The following GALNTL6 variants were observed in gnomAD, a reference collection of about 807,000 sequenced individuals.
GALNTL6 encodes the protein polypeptide N-acetylgalactosaminyltransferase-like 6.
In GALNTL6, 46 loss-of-function variants were observed where a neutral mutation model predicts 73.7. The observed-to-expected ratio is 0.62, with a 90% CI of 0.49 to 0.80. GALNTL6 has a LOEUF of 0.80. Among genes scored for constraint, GALNTL6 ranks in the 30% least tolerant of loss-of-function variants. The pLI is 0.00. For missense variants in GALNTL6, 604 were observed against 755.0 expected, an observed-to-expected ratio of 0.80 and a Z score of 2.34; for synonymous variants, 259 against 263.7, an observed-to-expected ratio of 0.98 and a Z score of 0.17.
At chr4:172,830,881 C>T (rs73871869) in intron 7 of GALNTL6, among the ~76,000 whole-genome samples, 5,181 of 152,066 alleles carry the variant, frequency 0.034, 197 homozygotes, top group African/African-American at 0.091. Context: ...CACAATCAGG[C>T]GGGAGCAGTA....
chr4:172,955,638 T>A (rs1404460988), intron 10 of GALNTL6, among the ~76,000 whole-genome samples: 1 of 152,220 alleles, frequency 6.6e-6, no homozygotes, highest in Non-Finnish European at 1.5e-5. Flanking sequence ...ATTCTTCTAA[T>A]GTTAACATTT....
chr4:172,405,429 ATATATATATATATATTTTTTT>A (rs1402409033), intron 5 of GALNTL6, among the ~76,000 whole-genome samples: 49 of 16,256 alleles, frequency 3.0e-3, no homozygotes, highest in Admixed American at 7.1e-3. Flanking sequence ...ATATATATAT[ATATATATATATATATTTTTTT>A]TTTTTTTTTT....
rs376178735 is a variant in GALNTL6, at chr4:171,982,383, T to C, written c.138+167665T>C. On this transcript the variant is annotated intron_variant, in intron 2 of 12. Transcript: ENST00000506823. ...CGCGATCTCGGCCCACTGCAAGCTC[T>C]GCCTCCTGGGTTCACGTCATTCTCC... Among the ~76,000 whole-genome samples, 1,439 of 152,164 alleles carry C rather than the reference T, an allele frequency of 9.5e-3. 9 individuals carry two copies. The highest frequency in any genetic ancestry group is 0.021 in the African/African-American group (881 of 41,520).
intron 2 of GALNTL6, among the ~76,000 whole-genome samples, chr4:171,996,748 C>G (rs1399216403): frequency 7.0e-6 from 1 of 143,066 alleles, no homozygotes; most frequent in Admixed American, 7.1e-5. Context: ...AAAAAACTCA[C>G]AGTGTCTTAA....
intron 5 of GALNTL6, among the ~76,000 whole-genome samples, chr4:172,540,899 T>TC (rs1427775772): frequency 7.9e-5 from 12 of 152,126 alleles, no homozygotes; most frequent in African/African-American, 2.9e-4. Context: ...ATGTCTGTTT[T>TC]TAGAGTTTGA....
At chr4:172,696,585 A>G (rs952610013) in intron 5 of GALNTL6, among the ~76,000 whole-genome samples, 1 of 152,128 alleles carries the variant, frequency 6.6e-6, no homozygotes, top group Non-Finnish European at 1.5e-5. Context: ...TACTTGTGAT[A>G]GTGAATACAT....
chr4:172,360,786 A>G (rs1742335927), intron 5 of GALNTL6, among the ~76,000 whole-genome samples: 1 of 152,184 alleles, frequency 6.6e-6, no homozygotes, highest in South Asian at 2.1e-4. Flanking sequence ...TATTATTAGT[A>G]TGTAGAAGTT....
chr4:171,900,801 A>C lies in GALNTL6; in HGVS notation c.138+86083A>C, dbSNP rs571754402. Among the ~76,000 whole-genome samples the C allele has an allele frequency of 2.6e-5, 4 of 152,296 alleles. No individual in the cohort carries two copies. The East Asian group carries it at 5.8e-4, about 22-fold the overall frequency. ...TTACAAAAAACATAGGAGGTTCAAA[A>C]TATAGGAAGAACCTCTTAAGGTTAG... is the stretch of plus-strand genomic sequence containing the variant. On this transcript the variant is annotated intron_variant, in intron 2 of 12. Coordinates refer to ENST00000506823, the MANE Select transcript of GALNTL6 (RefSeq NM_001034845.3).
chr4:172,102,791 C>G (rs1732555086), intron 2 of GALNTL6, among the ~76,000 whole-genome samples: 1 of 152,190 alleles, frequency 6.6e-6, no homozygotes, highest in African/African-American at 2.4e-5. Context: ...GGGAATGATG[C>G]TCCCATAGAG....
intron 7 of GALNTL6, among the ~76,000 whole-genome samples, chr4:172,836,760 C>A (rs1047472423): frequency 6.6e-6 from 1 of 152,126 alleles, no homozygotes; most frequent in East Asian, 1.9e-4. Context: ...TGCCAGGTAA[C>A]TGAGGTGTGA....
At chr4:172,036,983 T>G (rs1018605218) in intron 2 of GALNTL6, among the ~76,000 whole-genome samples, 4 of 152,130 alleles carry the variant, frequency 2.6e-5, no homozygotes, top group Non-Finnish European at 5.9e-5. Flanking sequence ...GTTCTTTAAG[T>G]TACAAGCATT....
intron 8 of GALNTL6, among the ~76,000 whole-genome samples, chr4:172,884,907 C>G (rs1405700457): frequency 2.0e-5 from 3 of 151,914 alleles, no homozygotes; most frequent in African/African-American, 2.4e-5. Flanking sequence ...TTCTTGATGC[C>G]TTTTTGTCAA....
chr4:171,913,820 A>T (rs1052826600), intron 2 of GALNTL6, among the ~76,000 whole-genome samples: 4 of 151,540 alleles, frequency 2.6e-5, no homozygotes, highest in Non-Finnish European at 5.9e-5. Context: ...ATGTTTGAAA[A>T]AAGTATGGAT....
chr4:172,016,786 A>G (rs1741210804), intron 2 of GALNTL6, among the ~76,000 whole-genome samples: 1 of 151,530 alleles, frequency 6.6e-6, no homozygotes, highest in African/African-American at 2.4e-5. Context: ...TAAGGATCAG[A>G]CTTTGATGTT....
At chr4:172,496,463 G>C (rs1216156891) in intron 5 of GALNTL6, among the ~76,000 whole-genome samples, 2 of 152,140 alleles carry the variant, frequency 1.3e-5, no homozygotes, top group Non-Finnish European at 2.9e-5. Flanking sequence ...GCTGAGGTGG[G>C]AGAATCGCTT....
intron 5 of GALNTL6, among the ~76,000 whole-genome samples, chr4:172,497,852 A>G (rs1734117864): frequency 6.6e-6 from 1 of 152,192 alleles, no homozygotes; most frequent in South Asian, 2.1e-4. Context: ...ATAAGAAGAC[A>G]TAGGTTCTAG....
intron 5 of GALNTL6, among the ~76,000 whole-genome samples, chr4:172,513,862 T>C (rs924461622): frequency 2.0e-5 from 3 of 152,206 alleles, no homozygotes; most frequent in Non-Finnish European, 2.9e-5. Flanking sequence ...TCGTTTTGTT[T>C]AGTGCACTTG....
In GALNTL6 at chr4:172,913,613, G is replaced by A. The variant is rs544537100; in HGVS notation, c.1042-17548G>A. ...GACGCATGCACAAGCTTCAGTAGCC[G>A]ATTCAATCAAGTGGAAGAAAGGGTA... On this transcript the variant is annotated intron_variant, in intron 8 of 12. Transcript: ENST00000506823. 7.2e-5 allele frequency among the ~76,000 whole-genome samples: 11 copies of A among 152,210 alleles called. No individual in the cohort carries two copies. The South Asian group carries it at 8.3e-4, about 11-fold the overall frequency.
chr4:172,897,194 A>G (rs950019199), intron 8 of GALNTL6, among the ~76,000 whole-genome samples: 1 of 152,174 alleles, frequency 6.6e-6, no homozygotes, highest in Admixed American at 6.5e-5. Context: ...GCCTGGTCTC[A>G]TTGGCTAAGA....
Sources: allele counts gnomAD v4.1 joint callset (sites outside exome capture counted in the v4.1 genomes callset), GRCh38; gene constraint gnomAD v4.1.1; transcripts MANE v1.5; gene names NCBI Gene and HGNC (gene_info 2026-07-23, HGNC 2026-07-21).